Variants in RBFOX1 observed in about 807,000 individuals in gnomAD.
RBFOX1 encodes the protein RNA binding protein fox-1 homolog 1.
Under a neutral mutation model 57.7 loss-of-function variants are expected in RBFOX1, and 8 were observed. The observed-to-expected ratio is 0.14, with a 90% CI of 0.08 to 0.25. RBFOX1 has a LOEUF of 0.25. RBFOX1 is among the 10% of genes least tolerant of loss of function. The probability of loss-of-function intolerance (pLI) is 1.00; values close to 1 mark genes in which losing one functional copy is unlikely to be tolerated. For missense variants in RBFOX1, 611 were observed against 548.5 expected, an observed-to-expected ratio of 1.11 and a Z score of -1.14; for synonymous variants, 326 against 222.4, an observed-to-expected ratio of 1.47 and a Z score of -4.15.
chr16:7,092,831 C>G (rs920444795), intron 4 of RBFOX1, among the ~76,000 whole-genome samples: 1 of 152,112 alleles, frequency 6.6e-6, no homozygotes, highest in African/African-American at 2.4e-5. Context: ...TATTCTGTCC[C>G]CTTTACCAAA....
rs2062381717 is a variant in RBFOX1, at chr16:5,249,174, TC to T, written c.219+9071del. On this transcript the variant is annotated intron_variant, in intron 1 of 2. Coordinates refer to the RBFOX1 transcript ENST00000585867. Reference sequence around the variant, plus strand: ...AGGTGAGGCTGCGCTTTGTGTGTTTTCCTTTTCCTTGTGTTCAGGCTGTTGT... The same window carrying T: ...AGGTGAGGCTGCGCTTTGTGTGTTTTCTTTTCCTTGTGTTCAGGCTGTTGT... 4.6e-5 allele frequency among the ~76,000 whole-genome samples: 7 copies of T among 152,288 alleles called. No individual in the cohort carries two copies. In the South Asian group the frequency reaches 1.5e-3, roughly 32 times the overall value.
intron 4 of RBFOX1, among the ~76,000 whole-genome samples, chr16:7,489,149 T>C (rs2066242313): frequency 6.6e-6 from 1 of 152,234 alleles, no homozygotes; most frequent in South Asian, 2.1e-4. Flanking sequence ...TGCCTCTGTC[T>C]GTCTCTGTTT....
At chr16:7,422,323 A>C (rs1046574375) in intron 4 of RBFOX1, among the ~76,000 whole-genome samples, 2 of 152,160 alleles carry the variant, frequency 1.3e-5, no homozygotes, top group Non-Finnish European at 2.9e-5. Context: ...CAGGAGAGCA[A>C]GTGAGCTGTG....
intron 4 of RBFOX1, among the ~76,000 whole-genome samples, chr16:7,258,592 A>G (rs2094791931): frequency 6.6e-6 from 1 of 152,192 alleles, no homozygotes; most frequent in African/African-American, 2.4e-5. Context: ...TATGAGATTC[A>G]TATTAGAGAT....
Position 5,777,132 on chromosome 16 carries a change from C to G in RBFOX1, c.319-90171C>G, listed in dbSNP as rs1280356420. On this transcript the variant is annotated intron_variant, in intron 3 of 19. Transcript: ENST00000641259. ...TAAACAACACAAATTTATTACCTTA[C>G]AATTCTGGAGGTCACAAGTCCCAAA... Among the ~76,000 whole-genome samples, 3 of 152,150 alleles carry G rather than the reference C, an allele frequency of 2.0e-5. No homozygotes were observed. The East Asian group carries it at 5.8e-4, about 29-fold the overall frequency.
At chr16:5,759,688 T>C (rs1392239967) in intron 3 of RBFOX1, among the ~76,000 whole-genome samples, 1 of 152,216 alleles carries the variant, frequency 6.6e-6, no homozygotes, top group Non-Finnish European at 1.5e-5. Flanking sequence ...CTTGCAGTGT[T>C]TCCCACAAGC....
At chr16:7,451,337 T>C (rs557294928) in intron 4 of RBFOX1, among the ~76,000 whole-genome samples, 3 of 152,218 alleles carry the variant, frequency 2.0e-5, no homozygotes, top group Non-Finnish European at 4.4e-5. Flanking sequence ...TGAATGCAAA[T>C]AGTAATTTAT....
At chr16:6,921,462 G>A (rs933758023) in intron 3 of RBFOX1, among the ~76,000 whole-genome samples, 3 of 152,064 alleles carry the variant, frequency 2.0e-5, no homozygotes, top group Admixed American at 6.5e-5. Context: ...CTTGCTGACT[G>A]TTGGCCATAA....
At chr16:5,607,039 C>A (rs756193402) in intron 3 of RBFOX1, among the ~76,000 whole-genome samples, 1 of 152,184 alleles carries the variant, frequency 6.6e-6, no homozygotes, top group Non-Finnish European at 1.5e-5. Flanking sequence ...TCCCTGGGAC[C>A]TGGCTTAGGA....
At chr16:7,399,747 T>G (rs2098208285) in intron 4 of RBFOX1, among the ~76,000 whole-genome samples, 1 of 152,166 alleles carries the variant, frequency 6.6e-6, no homozygotes, top group Non-Finnish European at 1.5e-5. Flanking sequence ...ATCTTTTAAC[T>G]TGATTACATC....
chr16:6,254,198 T>G (rs1486869709), intron 1 of RBFOX1, among the ~76,000 whole-genome samples: 2 of 152,200 alleles, frequency 1.3e-5, no homozygotes, highest in African/African-American at 4.8e-5. Context: ...GTGAGGCTAC[T>G]GGATATTGCC....
intron 3 of RBFOX1, among the ~76,000 whole-genome samples, chr16:5,654,414 A>G (rs538666037): frequency 2.0e-5 from 3 of 152,286 alleles, no homozygotes; most frequent in African/African-American, 7.2e-5. Context: ...ATTTCAAATC[A>G]GGACTCCCCC....
At chr16:7,460,323 G>A (rs2059301330) in intron 4 of RBFOX1, among the ~76,000 whole-genome samples, 1 of 141,788 alleles carries the variant, frequency 7.1e-6, no homozygotes. Flanking sequence ...ACAGACTTCT[G>A]GTATTTCATT....
Position 6,601,482 on chromosome 16 carries a change from C to T in RBFOX1, c.-63-53121C>T, listed in dbSNP as rs576045476. Among the ~76,000 whole-genome samples the T allele has an allele frequency of 9.9e-5, 15 of 152,160 alleles. No individual in the cohort carries two copies. In the South Asian group the frequency reaches 2.9e-3, roughly 29 times the overall value. Reference sequence around the variant, plus strand: ...CTCTTTGAGAAATTTTAAGGGAACTCTACATACAAGAAGCTATACCAGCGT... The same window carrying T: ...CTCTTTGAGAAATTTTAAGGGAACTTTACATACAAGAAGCTATACCAGCGT... On this transcript the variant is annotated intron_variant, in intron 2 of 15. Coordinates refer to ENST00000550418, the MANE Select transcript of RBFOX1 (RefSeq NM_018723.4).
chr16:6,423,650 A>T (rs1390606621), intron 2 of RBFOX1, among the ~76,000 whole-genome samples: 1 of 152,152 alleles, frequency 6.6e-6, no homozygotes, highest in African/African-American at 2.4e-5. Context: ...GTCTTCCTAC[A>T]CAGGGGAGCA....
chr16:6,787,999 G>C (rs997926019), intron 3 of RBFOX1, among the ~76,000 whole-genome samples: 1 of 151,974 alleles, frequency 6.6e-6, no homozygotes, highest in African/African-American at 2.4e-5. Context: ...GAGGTGGGGG[G>C]ACCGCTTGAG....
chr16:7,568,415 C>G (rs973951260), intron 5 of RBFOX1, among the ~76,000 whole-genome samples: 1 of 152,030 alleles, frequency 6.6e-6, no homozygotes, highest in Non-Finnish European at 1.5e-5. Context: ...GTGGGAGTGT[C>G]TCTTAGCAGG....
intron 1 of RBFOX1, among the ~76,000 whole-genome samples, chr16:6,070,747 T>A (rs986706282): frequency 6.6e-6 from 1 of 152,064 alleles, no homozygotes; most frequent in African/African-American, 2.4e-5. Flanking sequence ...TCATAATAAA[T>A]GTATTTTTTG....
intron 2 of RBFOX1, among the ~76,000 whole-genome samples, chr16:6,497,756 C>T (rs1379414753): frequency 6.6e-6 from 1 of 151,806 alleles, no homozygotes; most frequent in Non-Finnish European, 1.5e-5. Flanking sequence ...AGGGTTTCAC[C>T]ATATTAGCCA....
Sources: allele counts gnomAD v4.1 joint callset (sites outside exome capture counted in the v4.1 genomes callset), GRCh38; gene constraint gnomAD v4.1.1; transcripts MANE v1.5; gene names NCBI Gene and HGNC (gene_info 2026-07-23, HGNC 2026-07-21).